Variants in MCU observed in about 807,000 individuals in gnomAD.
MCU encodes mitochondrial calcium uniporter.
In MCU, 12 loss-of-function variants were observed where a neutral mutation model predicts 45.2. The ratio of observed to expected loss-of-function variants is 0.27; its 90% CI spans 0.17 to 0.43. MCU has a LOEUF of 0.43. Ranked by LOEUF, MCU falls within the 20% of genes least tolerant of loss-of-function variation. The pLI is 1.00. For synonymous variants in MCU, 160 were observed against 165.1 expected, an observed-to-expected ratio of 0.97 and a Z score of 0.24; for missense variants, 324 against 436.7, an observed-to-expected ratio of 0.74 and a Z score of 2.30.
intron 4 of MCU, among the ~76,000 whole-genome samples, chr10:72,868,458 C>T (rs1845491579): frequency 6.6e-6 from 1 of 151,026 alleles, no homozygotes; most frequent in African/African-American, 2.4e-5. Context: ...AAGTTAACGT[C>T]GGAGGATTAC....
intron 1 of MCU, among the ~76,000 whole-genome samples, chr10:72,796,963 T>C (rs1398690196): frequency 6.6e-6 from 1 of 152,134 alleles, no homozygotes; most frequent in African/African-American, 2.4e-5. Context: ...CTTCTTAGAA[T>C]TTATTGATGT....
intron 1 of MCU, chr10:72,692,544 C>T: frequency 9.3e-7 from 1 of 1,072,744 alleles, no homozygotes; most frequent in Non-Finnish European, 1.1e-6. Flanking sequence ...TCCCGCAGGA[C>T]TGGGGACACC....
intron 1 of MCU, among the ~76,000 whole-genome samples, chr10:72,781,423 A>C (rs1355685860): frequency 6.6e-6 from 1 of 152,232 alleles, no homozygotes; most frequent in Admixed American, 6.5e-5. Context: ...ATCATTGTAG[A>C]GTTAAAGTCA....
At chr10:72,832,864 C>T (rs1278200312) in intron 1 of MCU, among the ~76,000 whole-genome samples, 1 of 150,922 alleles carries the variant, frequency 6.6e-6, no homozygotes, top group Non-Finnish European at 1.5e-5. Flanking sequence ...ACAAAATGAA[C>T]TCAGGCAAGA....
At chr10:72,692,572 G>A in intron 1 of MCU, 4 of 1,096,904 alleles carry the variant, frequency 3.6e-6, no homozygotes, top group Non-Finnish European at 4.4e-6. Context: ...GGAAGGCACG[G>A]GACTTGAACC....
At chr10:72,732,353 T>C (rs1203503130) in intron 1 of MCU, among the ~76,000 whole-genome samples, 1 of 152,228 alleles carries the variant, frequency 6.6e-6, no homozygotes, top group Non-Finnish European at 1.5e-5. Context: ...GTTAATCTAT[T>C]TGATAACTCA....
chr10:72,722,750 C>T (rs1002295917), intron 1 of MCU, among the ~76,000 whole-genome samples: 3 of 151,960 alleles, frequency 2.0e-5, no homozygotes, highest in Non-Finnish European at 2.9e-5. Flanking sequence ...AAATCTGTTT[C>T]TTTTTTATGA....
rs71021526 is a variant in MCU at position 72,707,647 on chromosome 10, G to GTGTGTGTGTGTGTGTGTGTGTA, written c.150+15347_150+15348insGTGTGTGTGTGTGTGTGTGTAT. Among the ~76,000 whole-genome samples the GTGTGTGTGTGTGTGTGTGTGTA allele has an allele frequency of 5.5e-4, 81 of 147,008 alleles. 1 individual carries two copies. Among genetic ancestry groups the GTGTGTGTGTGTGTGTGTGTGTA allele is most frequent in the African/African-American group, 2.0e-3 (75 of 38,304 alleles). On this transcript the variant is annotated intron_variant, in intron 1 of 7. Coordinates refer to ENST00000373053, the MANE Select transcript of MCU (RefSeq NM_138357.3). ...TGTGTGTGTGTGTGTGTGTGTGTGT[G>GTGTGTGTGTGTGTGTGTGTGTA]TTTCCCACCAAAACAAAAGTAATTG...
intron 1 of MCU, among the ~76,000 whole-genome samples, chr10:72,805,206 C>CTTCCT (rs145012643): frequency 1.9e-4 from 27 of 140,010 alleles, no homozygotes; most frequent in East Asian, 4.1e-4. Context: ...TCCTTCCTTT[C>CTTCCT]TTCCTTTCCT....
intron 1 of MCU, among the ~76,000 whole-genome samples, chr10:72,700,051 G>T (rs1397800255): frequency 6.9e-6 from 1 of 145,848 alleles, no homozygotes; most frequent in Non-Finnish European, 1.5e-5. Flanking sequence ...AAGTGGATTG[G>T]GGTCAAATTT....
chr10:72,746,920 C>T (rs1254997437), intron 1 of MCU, among the ~76,000 whole-genome samples: 2 of 152,130 alleles, frequency 1.3e-5, no homozygotes, highest in African/African-American at 4.8e-5. Flanking sequence ...TGAATTTAGT[C>T]TCTTTGAAAT....
chr10:72,736,010 G>A (rs1034088341), intron 1 of MCU, among the ~76,000 whole-genome samples: 8 of 152,128 alleles, frequency 5.3e-5, no homozygotes, highest in African/African-American at 1.9e-4. Context: ...TAAAACAGTT[G>A]TAAACACTTG....
At chr10:72,713,947 TTG>T (rs72292523) in intron 1 of MCU, among the ~76,000 whole-genome samples, 42,254 of 138,712 alleles carry the variant, frequency 0.3, 6,538 homozygotes, top group East Asian at 0.61. Flanking sequence ...CTTTCATCAT[TTG>T]TGTGTGTGTG....
At chr10:72,885,619 T>C (rs1845763780) in intron 7 of MCU, 126 bp from the exon 8 acceptor site, 5 of 658,514 alleles carry the variant, frequency 7.6e-6, no homozygotes, top group African/African-American at 1.8e-5. Flanking sequence ...GGCACTCTTA[T>C]TTTGAGAGTT....
At chr10:72,839,399 A>G (rs1223891941) in intron 2 of MCU, among the ~76,000 whole-genome samples, 4 of 152,104 alleles carry the variant, frequency 2.6e-5, no homozygotes, top group Non-Finnish European at 4.4e-5. Flanking sequence ...AACCCCAGGT[A>G]ACCACTAATT....
intron 1 of MCU, among the ~76,000 whole-genome samples, chr10:72,697,946 G>T (rs377032575): frequency 5.1e-4 from 60 of 117,724 alleles, no homozygotes; most frequent in Middle Eastern, 4.9e-3. Flanking sequence ...CTCATAAAAA[G>T]AATTTTTTTT....
intron 1 of MCU, among the ~76,000 whole-genome samples, chr10:72,705,638 A>G (rs1030039224): frequency 2.6e-5 from 4 of 151,934 alleles, no homozygotes; most frequent in African/African-American, 9.7e-5. Flanking sequence ...ACCAACATGG[A>G]GAAACCCCAT....
At chr10:72,874,398 C>T (rs754136535) in intron 6 of MCU, among the ~76,000 whole-genome samples, 2 of 152,100 alleles carry the variant, frequency 1.3e-5, no homozygotes, top group Non-Finnish European at 2.9e-5. Flanking sequence ...ATTTGAAATA[C>T]CTGAGACATC....
chr10:72,870,111 TA>T (rs1352879047), intron 5 of MCU, among the ~76,000 whole-genome samples: 1 of 152,220 alleles, frequency 6.6e-6, no homozygotes, highest in Non-Finnish European at 1.5e-5. Context: ...ATGTTACCTT[TA>T]TTTTTTTCTA....
Sources: gnomAD v4.1 joint callset for allele counts (sites outside exome capture counted in the v4.1 genomes callset) on GRCh38, gnomAD v4.1.1 for gene constraint, MANE v1.5 for transcripts, NCBI Gene and HGNC (gene_info 2026-07-23, HGNC 2026-07-21) for gene names.